Variants in SEMA3A observed in about 807,000 individuals in gnomAD.
SEMA3A encodes the protein semaphorin-3A.
Under a neutral mutation model 97.9 loss-of-function variants are expected in SEMA3A, and 29 were observed. That is an observed-to-expected ratio of 0.30 (90% CI 0.22 to 0.40). The LOEUF (loss-of-function observed/expected upper bound fraction) is 0.40, where lower values mean the gene tolerates loss of function less well. Among genes scored for constraint, SEMA3A ranks in the 10% least tolerant of loss-of-function variants. The probability of loss-of-function intolerance (pLI) is 1.00; values close to 1 mark genes in which losing one functional copy is unlikely to be tolerated. For missense variants in SEMA3A, 763 were observed against 951.3 expected (o/e 0.80, Z 2.60); for synonymous variants, 321 against 323.7 (o/e 0.99, Z 0.09).
chr7:84,063,499 G>A (rs1319825719), intron 4 of SEMA3A, among the ~76,000 whole-genome samples: 2 of 150,546 alleles, frequency 1.3e-5, no homozygotes. Context: ...CAAACCAAAG[G>A]CAAAGAAGTT....
At chr7:84,275,917 T>C (rs1156599366) in intron 3 of SEMA3A, among the ~76,000 whole-genome samples, 1 of 152,126 alleles carries the variant, frequency 6.6e-6, no homozygotes, top group Non-Finnish European at 1.5e-5. Flanking sequence ...AATTTAAATA[T>C]GACTCCTAGA....
chr7:84,422,922 T>C (rs1804640547), intron 1 of SEMA3A, among the ~76,000 whole-genome samples: 1 of 152,038 alleles, frequency 6.6e-6, no homozygotes, highest in African/African-American at 2.4e-5. Flanking sequence ...CTCAGTTTAA[T>C]TCCCCAGTCT....
chr7:84,350,203 T>C (rs1802403668), intron 2 of SEMA3A, among the ~76,000 whole-genome samples: 1 of 152,160 alleles, frequency 6.6e-6, no homozygotes, highest in Non-Finnish European at 1.5e-5. Context: ...CAATTCATAT[T>C]TCTTATTTTA....
intron 3 of SEMA3A, among the ~76,000 whole-genome samples, chr7:84,297,652 C>A (rs1228904295): frequency 2.6e-5 from 4 of 152,072 alleles, no homozygotes; most frequent in African/African-American, 7.2e-5. Context: ...TATTTCTTTA[C>A]CTTTGTTATT....
chr7:84,002,086 A>C (rs1790477215), intron 11 of SEMA3A, 40 bp from the exon 12 acceptor site: 1 of 1,154,306 alleles, frequency 8.7e-7, no homozygotes, highest in Non-Finnish European at 1.3e-6. Flanking sequence ...AGTTAAGTAG[A>C]TCTGAACAGA....
At chr7:83,996,463 A>C (rs1398012845) in intron 12 of SEMA3A, among the ~76,000 whole-genome samples, 2 of 151,730 alleles carry the variant, frequency 1.3e-5, no homozygotes, top group African/African-American at 2.4e-5. Flanking sequence ...CCACCACGCC[A>C]GGCTAATTTT....
intron 1 of SEMA3A, among the ~76,000 whole-genome samples, chr7:84,442,995 G>GA (rs911439657): frequency 1.3e-5 from 2 of 151,850 alleles, no homozygotes; most frequent in African/African-American, 4.8e-5. Flanking sequence ...AAATTGAAGG[G>GA]AAAAATAGAC....
At chr7:84,255,879 ATG>A (rs1290860645) in intron 3 of SEMA3A, among the ~76,000 whole-genome samples, 2,006 of 152,158 alleles carry the variant, frequency 0.013, 45 homozygotes, top group African/African-American at 0.045. Flanking sequence ...CCTCTTTATT[ATG>A]ATGGCAGATA....
intron 1 of SEMA3A, among the ~76,000 whole-genome samples, chr7:84,151,931 A>G (rs1242623101): frequency 6.6e-6 from 1 of 152,176 alleles, no homozygotes; most frequent in Non-Finnish European, 1.5e-5. Context: ...GCCAAAAAAC[A>G]CATGAAAAAA....
chr7:84,425,824 CAT>C (rs201313923), intron 1 of SEMA3A, among the ~76,000 whole-genome samples: 3 of 140,332 alleles, frequency 2.1e-5, no homozygotes, highest in African/African-American at 7.9e-5. Flanking sequence ...TACAATATAT[CAT>C]ATATATATAA....
At chr7:84,340,621 A>G (rs891146429) in intron 2 of SEMA3A, among the ~76,000 whole-genome samples, 1 of 151,814 alleles carries the variant, frequency 6.6e-6, no homozygotes, top group African/African-American at 2.4e-5. Context: ...TCTACTAAAA[A>G]TACAAAAAAT....
chr7:84,403,545 T>C (rs1237189095), intron 1 of SEMA3A, among the ~76,000 whole-genome samples: 2 of 151,864 alleles, frequency 1.3e-5, no homozygotes, highest in African/African-American at 4.8e-5. Context: ...TTGAAGAGAG[T>C]AGTGGTTCTC....
intron 1 of SEMA3A, among the ~76,000 whole-genome samples, chr7:84,432,956 T>C (rs1223070480): frequency 1.3e-5 from 2 of 151,962 alleles, no homozygotes; most frequent in East Asian, 3.9e-4. Flanking sequence ...CTTTAAGTTA[T>C]TTGAAAAATT....
At chr7:84,276,628 A>G (rs965059644) in intron 3 of SEMA3A, among the ~76,000 whole-genome samples, 13 of 152,072 alleles carry the variant, frequency 8.5e-5, no homozygotes, top group Non-Finnish European at 1.5e-5. Context: ...TCCATTTGAC[A>G]TGGTTCATTC....
Position 84,102,588 on chromosome 7 carries a change from CTTTTTTT to C in SEMA3A, c.453+7875_453+7881del, listed in dbSNP as rs3074757. On this transcript the variant is annotated intron_variant, in intron 4 of 16. Transcript: ENST00000265362. ...TACAGAGAAGGAGATTGCATTATCG[CTTTTTTT>C]TTTTTTTTTTTTTTTTAACAGAGTC... 4.1e-5 allele frequency among the ~76,000 whole-genome samples: 4 copies of C among 96,844 alleles called. No individual in the cohort carries two copies. The South Asian group carries it at 1.2e-3, about 28-fold the overall frequency. 63.5% of individuals were successfully genotyped at this position (96,844 alleles called of 152,430 possible). A position where few individuals can be genotyped will look rare whatever the true frequency, so the allele number is the denominator to read the frequency against.
Position 84,327,340 on chromosome 7 carries a change from A to G in SEMA3A, c.-168-20048T>C, listed in dbSNP as rs926240360. ...GGAATAATCAGGGGGCACTTCATGT[A>G]AAATAAAGTAGTCATGATGGGGGAA... On this transcript the variant is annotated intron_variant, in intron 2 of 3. Coordinates refer to the SEMA3A transcript ENST00000424555. Among the ~76,000 whole-genome samples the G allele has an allele frequency of 6.6e-5, 10 of 151,842 alleles. 1 individual carries two copies. Among genetic ancestry groups the G allele is most frequent in the Admixed American group, 3.3e-4 (5 of 15,184 alleles).
At chr7:84,491,248 T>C (rs1326946297) in intron 1 of SEMA3A, among the ~76,000 whole-genome samples, 1 of 152,136 alleles carries the variant, frequency 6.6e-6, no homozygotes, top group Non-Finnish European at 1.5e-5. Flanking sequence ...CAATACTGTT[T>C]TGTCTAATTT....
intron 1 of SEMA3A, among the ~76,000 whole-genome samples, chr7:84,388,637 C>CT (rs1256225688): frequency 2.0e-5 from 3 of 151,886 alleles, no homozygotes; most frequent in African/African-American, 4.8e-5. Flanking sequence ...ACTGATTATA[C>CT]TTTTTTTACA....
rs77852392 is a variant in SEMA3A, at chr7:84,344,933, T to C, written c.-169+26891A>G. Among the ~76,000 whole-genome samples, 2,202 of 152,172 alleles carry C rather than the reference T, an allele frequency of 0.014. 92 individuals carry two copies. In the East Asian group the frequency reaches 0.15, roughly 10 times the overall value. ...GAAATAAAATATTTTGAAAACACAT[T>C]CTGGAAAAACACTTTATCCAGAATA... On this transcript the variant is annotated intron_variant, in intron 2 of 3. Coordinates refer to the SEMA3A transcript ENST00000424555.
Sources: gnomAD v4.1 joint callset for allele counts (sites outside exome capture counted in the v4.1 genomes callset) on GRCh38, gnomAD v4.1.1 for gene constraint, MANE v1.5 for transcripts, NCBI Gene and HGNC (gene_info 2026-07-23, HGNC 2026-07-21) for gene names.